Variants in NPAS3 observed in about 807,000 individuals in gnomAD.
NPAS3 encodes neuronal PAS domain protein 3, also known as neuronal PAS domain-containing protein 3.
Under a neutral mutation model 73.1 loss-of-function variants are expected in NPAS3, and 14 were observed. That is an observed-to-expected ratio of 0.19 (90% CI 0.13 to 0.30). The LOEUF (loss-of-function observed/expected upper bound fraction) is 0.30. Among genes scored for constraint, NPAS3 ranks in the 10% least tolerant of loss-of-function variants. The pLI is 1.00. For missense variants in NPAS3, 1,096 were observed against 1,250.0 expected, an observed-to-expected ratio of 0.88 and a Z score of 1.86; for synonymous variants, 620 against 541.5, an observed-to-expected ratio of 1.14 and a Z score of -2.01.
Position 32,968,503 on chromosome 14 carries a change from T to C in NPAS3, c.50+29137T>C, listed in dbSNP as rs564008505. On this transcript the variant is annotated intron_variant, in intron 1 of 11. Transcript: ENST00000356141. ...TTGGTGTCTTATGTCGAAATTTAAC[T>C]ATATCAATGAATTCATCAGTTTTGT... 1.4e-4 allele frequency among the ~76,000 whole-genome samples: 21 copies of C among 152,352 alleles called. No homozygotes were observed. The East Asian group carries it at 2.3e-3, about 17-fold the overall frequency.
chr14:33,641,812 G>A (rs534550455), intron 5 of NPAS3, among the ~76,000 whole-genome samples: 1 of 152,074 alleles, frequency 6.6e-6, no homozygotes, highest in South Asian at 2.1e-4. Flanking sequence ...AATTCTTTGT[G>A]CTAATGGTAC....
intron 3 of NPAS3, among the ~76,000 whole-genome samples, chr14:33,230,146 A>T (rs1416085360): frequency 6.6e-6 from 1 of 152,230 alleles, no homozygotes; most frequent in African/African-American, 2.4e-5. Flanking sequence ...TTGAGGAAAT[A>T]AACTCTTAAT....
At chr14:33,563,779 C>T (rs2055785330) in intron 5 of NPAS3, among the ~76,000 whole-genome samples, 1 of 152,034 alleles carries the variant, frequency 6.6e-6, no homozygotes, top group Non-Finnish European at 1.5e-5. Context: ...CAGAGCTGTT[C>T]ATGACAGCTC....
chr14:33,538,973 T>G (rs1044456914), intron 4 of NPAS3, among the ~76,000 whole-genome samples: 1 of 152,190 alleles, frequency 6.6e-6, no homozygotes. Flanking sequence ...TTTATTTGCT[T>G]TTGAGTTGTT....
intron 2 of NPAS3, among the ~76,000 whole-genome samples, chr14:33,155,535 C>T (rs551718041): frequency 2.6e-5 from 4 of 152,168 alleles, no homozygotes; most frequent in African/African-American, 7.2e-5. Flanking sequence ...AGGTTACAGG[C>T]ATGAGCCACT....
intron 3 of NPAS3, among the ~76,000 whole-genome samples, chr14:33,296,227 A>G (rs1049991765): frequency 1.4e-4 from 22 of 152,198 alleles, no homozygotes; most frequent in African/African-American, 5.3e-4. Flanking sequence ...TAATTCCTAT[A>G]AGATACTTTT....
chr14:33,514,636 A>G (rs1427187644), intron 4 of NPAS3, among the ~76,000 whole-genome samples: 1 of 152,056 alleles, frequency 6.6e-6, no homozygotes, highest in East Asian at 1.9e-4. Context: ...AGAACATGAA[A>G]GAAAGAAATT....
intron 9 of NPAS3, among the ~76,000 whole-genome samples, chr14:33,790,700 G>A (rs1052772782): frequency 6.6e-5 from 10 of 151,990 alleles, no homozygotes; most frequent in Non-Finnish European, 4.4e-5. Context: ...CCAGAGTCTC[G>A]CTTTGTCACC....
chr14:33,039,312 C>T (rs533121301), intron 1 of NPAS3, among the ~76,000 whole-genome samples: 7 of 152,210 alleles, frequency 4.6e-5, no homozygotes, highest in African/African-American at 1.4e-4. Flanking sequence ...ATTCTTGCTA[C>T]CAATAGAGGC....
intron 2 of NPAS3, among the ~76,000 whole-genome samples, chr14:33,144,437 T>A (rs17100235): frequency 1.3e-5 from 2 of 152,246 alleles, no homozygotes; most frequent in African/African-American, 4.8e-5. Context: ...TTTTCATCAG[T>A]TGCTGAGACA....
chr14:33,406,352 G>A (rs112593267), intron 4 of NPAS3, among the ~76,000 whole-genome samples: 1 of 152,208 alleles, frequency 6.6e-6, no homozygotes, highest in African/African-American at 2.4e-5. Context: ...AAACTAAGAA[G>A]CAGAGAGATG....
chr14:32,935,579 T>C (rs866677385), upstream of NPAS3, among the ~76,000 whole-genome samples: 1 of 152,234 alleles, frequency 6.6e-6, no homozygotes, highest in Non-Finnish European at 1.5e-5. Context: ...CGCATTATAA[T>C]GCAAATGCAT....
chr14:32,945,080 T>C (rs574245635), intron 1 of NPAS3, among the ~76,000 whole-genome samples: 1 of 152,318 alleles, frequency 6.6e-6, no homozygotes, highest in South Asian at 2.1e-4. Context: ...CTATTGGTTA[T>C]ACAAAATATT....
chr14:33,084,530 C>A (rs1170428348), intron 2 of NPAS3, among the ~76,000 whole-genome samples: 1 of 152,116 alleles, frequency 6.6e-6, no homozygotes, highest in Non-Finnish European at 1.5e-5. Context: ...ATAATTTTCC[C>A]ACAAAACAGT....
At chr14:33,307,795 G>C (rs183236271) in intron 3 of NPAS3, among the ~76,000 whole-genome samples, 7 of 152,090 alleles carry the variant, frequency 4.6e-5, no homozygotes, top group African/African-American at 1.4e-4. Flanking sequence ...CATCACTGAA[G>C]CATGCTGTTG....
At chr14:33,576,899 G>A (rs1567021912) in intron 5 of NPAS3, among the ~76,000 whole-genome samples, 1 of 152,134 alleles carries the variant, frequency 6.6e-6, no homozygotes, top group Non-Finnish European at 1.5e-5. Flanking sequence ...GCCTTACATT[G>A]CCCCCTTTTG....
At position 33,625,141 on chromosome 14, in the gene NPAS3, G is replaced by A. The variant is rs1195144806; in HGVS notation, c.559-51070G>A. ...TCTTGGTCTTACCATGGACCTAATT[G>A]GTGACCTTGGCACTTGCTCTGCCTT... is the stretch of plus-strand genomic sequence containing the variant. On this transcript the variant is annotated intron_variant, in intron 5 of 11. Transcript: ENST00000356141. Among the ~76,000 whole-genome samples, 6 of 152,152 alleles carry A rather than the reference G, an allele frequency of 3.9e-5. No individual in the cohort carries two copies. The East Asian group carries it at 1.2e-3, about 29-fold the overall frequency.
intron 1 of NPAS3, among the ~76,000 whole-genome samples, chr14:32,958,362 A>G (rs908858911): frequency 6.6e-5 from 10 of 152,126 alleles, no homozygotes; most frequent in Admixed American, 3.3e-4. Context: ...TCTGCTGCCA[A>G]TAGACACTTT....
At chr14:33,668,173 G>A (rs1038760023) in intron 5 of NPAS3, among the ~76,000 whole-genome samples, 2 of 152,124 alleles carry the variant, frequency 1.3e-5, no homozygotes, top group Admixed American at 1.3e-4. Flanking sequence ...AATTATCTTT[G>A]TTAAATCTTT....
Sources: gnomAD v4.1 joint callset for allele counts (sites outside exome capture counted in the v4.1 genomes callset) on GRCh38, gnomAD v4.1.1 for gene constraint, MANE v1.5 for transcripts, NCBI Gene and HGNC (gene_info 2026-07-23, HGNC 2026-07-21) for gene names.